Variants in NXPH1 observed in about 807,000 individuals in gnomAD.
NXPH1 encodes neurexophilin-1.
A neutral mutation model predicts 23.7 loss-of-function variants in NXPH1; 5 were observed. That is an observed-to-expected ratio of 0.21 (90% CI 0.11 to 0.44). The LOEUF is 0.44. Among genes scored for constraint, NXPH1 ranks in the 20% least tolerant of loss-of-function variants. The pLI is 0.99. For synonymous variants in NXPH1, 144 were observed against 122.2 expected (o/e 1.18, Z -1.18); for missense variants, 324 against 321.6 (o/e 1.01, Z -0.06).
At chr7:8,611,978 C>A (rs1371015674) in intron 2 of NXPH1, among the ~76,000 whole-genome samples, 1 of 152,012 alleles carries the variant, frequency 6.6e-6, no homozygotes, top group Non-Finnish European at 1.5e-5. Context: ...TCAGAATGAG[C>A]CAGATGCATT....
intron 2 of NXPH1, among the ~76,000 whole-genome samples, chr7:8,641,305 T>G (rs1820305931): frequency 6.6e-6 from 1 of 152,214 alleles, no homozygotes; most frequent in Admixed American, 6.5e-5. Context: ...AGAGTTCTCC[T>G]TGGATTGAAA....
At chr7:8,480,044 G>C (rs1272431174) in intron 2 of NXPH1, among the ~76,000 whole-genome samples, 2 of 152,066 alleles carry the variant, frequency 1.3e-5, no homozygotes, top group Admixed American at 1.3e-4. Context: ...ACTATAAAAA[G>C]TGATTGCTAT....
intron 2 of NXPH1, among the ~76,000 whole-genome samples, chr7:8,693,941 A>G (rs1821262275): frequency 6.6e-6 from 1 of 152,210 alleles, no homozygotes. Flanking sequence ...TATGGTTTCT[A>G]TTACTTATGT....
chr7:8,693,303 A>G (rs1821252166), intron 2 of NXPH1, among the ~76,000 whole-genome samples: 1 of 152,146 alleles, frequency 6.6e-6, no homozygotes, highest in South Asian at 2.1e-4. Flanking sequence ...TCCAAGTTAC[A>G]TGTGTGTCCT....
At chr7:8,516,718 G>C (rs1476982323) in intron 2 of NXPH1, among the ~76,000 whole-genome samples, 3 of 152,060 alleles carry the variant, frequency 2.0e-5, no homozygotes, top group Non-Finnish European at 4.4e-5. Flanking sequence ...AGCCTTTTGA[G>C]TTTAGAACTT....
chr7:8,582,698 T>G (rs774556375), intron 2 of NXPH1, among the ~76,000 whole-genome samples: 1 of 152,120 alleles, frequency 6.6e-6, no homozygotes, highest in African/African-American at 2.4e-5. Context: ...TGCATGCTGA[T>G]TGGTCCATGG....
At chr7:8,685,634 T>C (rs1821135190) in intron 2 of NXPH1, among the ~76,000 whole-genome samples, 1 of 152,068 alleles carries the variant, frequency 6.6e-6, no homozygotes, top group South Asian at 2.1e-4. Context: ...AGCAGTAGGA[T>C]TGTTGGATCA....
intron 2 of NXPH1, among the ~76,000 whole-genome samples, chr7:8,545,921 A>G (rs550505413): frequency 1.6e-4 from 24 of 151,610 alleles, no homozygotes; most frequent in African/African-American, 5.3e-4. Flanking sequence ...ATGTTGATAA[A>G]CAACAAAAGT....
chr7:8,492,586 C>T (rs1817266728), intron 2 of NXPH1, among the ~76,000 whole-genome samples: 1 of 152,028 alleles, frequency 6.6e-6, no homozygotes, highest in Non-Finnish European at 1.5e-5. Context: ...CTTCATGGAG[C>T]TTACACAATC....
chr7:8,610,847 C>T (rs139413404), intron 2 of NXPH1, among the ~76,000 whole-genome samples: 41 of 151,830 alleles, frequency 2.7e-4, no homozygotes, highest in African/African-American at 9.4e-4. Context: ...AACAGGAGGG[C>T]AGACTGCTAT....
chr7:8,623,430 A>G (rs1819918730), intron 2 of NXPH1, among the ~76,000 whole-genome samples: 1 of 152,204 alleles, frequency 6.6e-6, no homozygotes, highest in Non-Finnish European at 1.5e-5. Context: ...TTTATCTGAC[A>G]TTCTGTAACA....
rs1397461594 is a variant in NXPH1, at chr7:8,444,702, C to T, written c.54+8935C>T. Reference sequence around the variant, plus strand: ...GCATTTGTCAGTGCCTCGTCTTCATCGTCTTCATCTAGCTCGCCCCTCCCT... The same window carrying T: ...GCATTTGTCAGTGCCTCGTCTTCATTGTCTTCATCTAGCTCGCCCCTCCCT... On this transcript the variant is annotated intron_variant, in intron 2 of 2. Coordinates refer to ENST00000405863, the MANE Select transcript of NXPH1 (RefSeq NM_152745.3). Among the ~76,000 whole-genome samples, 5 of 152,182 alleles carry T rather than the reference C, an allele frequency of 3.3e-5. No homozygotes were observed. The East Asian group carries it at 9.6e-4, about 29-fold the overall frequency.
chr7:8,448,164 A>T (rs1351843960), intron 2 of NXPH1, among the ~76,000 whole-genome samples: 1 of 152,198 alleles, frequency 6.6e-6, no homozygotes, highest in African/African-American at 2.4e-5. Context: ...TCAAATCCTC[A>T]ATTTCCCTAC....
intron 2 of NXPH1, among the ~76,000 whole-genome samples, chr7:8,590,100 G>A (rs1819061335): frequency 6.6e-6 from 1 of 151,984 alleles, no homozygotes; most frequent in Admixed American, 6.6e-5. Context: ...CCCATGTCCT[G>A]GCTTCATTCT....
intron 2 of NXPH1, among the ~76,000 whole-genome samples, chr7:8,736,223 G>T (rs1780251849): frequency 6.6e-6 from 1 of 152,038 alleles, no homozygotes; most frequent in South Asian, 2.1e-4. Context: ...GTGATGTCAG[G>T]GTGTTGATTT....
chr7:8,688,292 A>G (rs2115181701), intron 2 of NXPH1, among the ~76,000 whole-genome samples: 1 of 152,322 alleles, frequency 6.6e-6, no homozygotes, highest in South Asian at 2.1e-4. Context: ...AATGTAAGTC[A>G]TGGAACTGAT....
chr7:8,562,385 T>C (rs1818461128), intron 2 of NXPH1, among the ~76,000 whole-genome samples: 2 of 151,700 alleles, frequency 1.3e-5, no homozygotes, highest in African/African-American at 2.4e-5. Context: ...GCAAAAGAGA[T>C]ACCTTACAAA....
chr7:8,589,217 A>G (rs1003431625), intron 2 of NXPH1, among the ~76,000 whole-genome samples: 1 of 152,130 alleles, frequency 6.6e-6, no homozygotes, highest in African/African-American at 2.4e-5. Context: ...TTAAAGTATA[A>G]GATGAAAATG....
intron 2 of NXPH1, among the ~76,000 whole-genome samples, chr7:8,645,143 T>G (rs1210948780): frequency 6.6e-6 from 1 of 152,176 alleles, no homozygotes; most frequent in Non-Finnish European, 1.5e-5. Context: ...TTCTTTTACT[T>G]TTCTTCGAAT....
Sources: allele counts gnomAD v4.1 joint callset (sites outside exome capture counted in the v4.1 genomes callset), GRCh38; gene constraint gnomAD v4.1.1; transcripts MANE v1.5; gene names NCBI Gene and HGNC (gene_info 2026-07-23, HGNC 2026-07-21).